Variants in AATK observed in about 807,000 individuals in gnomAD.
AATK encodes lemur tail kinase 1.
Under a neutral mutation model 114.3 loss-of-function variants are expected in AATK, and 91 were observed. The observed-to-expected ratio is 0.80, with a 90% CI of 0.67 to 0.95. AATK has a LOEUF of 0.95. Ranked by LOEUF, AATK falls within the 40% of genes least tolerant of loss-of-function variation. The pLI is 0.00. For missense variants in AATK, 2,176 were observed against 1,965.2 expected (o/e 1.11, Z -2.03); for synonymous variants, 1,075 against 916.5 (o/e 1.17, Z -3.12).
intron 1 of AATK, among the ~76,000 whole-genome samples, chr17:81,150,137 CG>C: frequency 6.6e-6 from 1 of 151,976 alleles, no homozygotes; most frequent in African/African-American, 2.4e-5. Flanking sequence ...CTGATGGGTG[CG>C]GGGCTTCCTT....
At chr17:81,146,474 G>A (rs570898340) in intron 1 of AATK, among the ~76,000 whole-genome samples, 20 of 151,728 alleles carry the variant, frequency 1.3e-4, no homozygotes, top group African/African-American at 4.8e-4. Context: ...CCAGCACTTT[G>A]GGAGGCCGAG....
Position 81,121,256 on chromosome 17 carries a change from G to A in AATK, c.2680C>T (p.Gln894Ter), listed in dbSNP as rs758271490. 2 of 1,609,626 alleles carry A rather than the reference G, an allele frequency of 1.2e-6. No homozygotes were observed. Among genetic ancestry groups the A allele is most frequent in the African/African-American group, 1.3e-5 (1 of 74,860 alleles). Reference protein sequence around the residue: ...PDVVPAFRSLQKQVGTPDSLD... With the variant: ...PDVVPAFRSL ...GAGTCGGGGGTCCCCACCTGCTTCTGCAGAGAGCGGAAGGCTGGCACCACA... is the reference window on the plus strand; with the variant it reads ...GAGTCGGGGGTCCCCACCTGCTTCTACAGAGAGCGGAAGGCTGGCACCACA... The change falls in exon 11 of 14, where the codon CAG (glutamine) becomes TAG (stop). Residue 894 changes from glutamine to a stop codon, truncating the protein, a stop_gained. Coordinates refer to ENST00000326724, the MANE Select transcript of AATK (RefSeq NM_001080395.3). LOFTEE classifies it high-confidence loss of function.
At chr17:81,132,116 T>G (rs370273792) in intron 2 of AATK, 2 of 994,052 alleles carry the variant, frequency 2.0e-6, no homozygotes, top group Non-Finnish European at 2.7e-6. Context: ...AGCCAAAGTC[T>G]CCAAAGTCCT....
At chr17:81,123,126 C>T (rs957628370) in intron 10 of AATK, 68 bp downstream of exon 10, 6 of 1,370,084 alleles carry the variant, frequency 4.4e-6, no homozygotes, top group African/African-American at 3.0e-5. Context: ...GGGTGAGCCG[C>T]CTCTGCCTGG....
At chr17:81,147,512 C>T (rs1450278188) in intron 1 of AATK, among the ~76,000 whole-genome samples, 1 of 152,144 alleles carries the variant, frequency 6.6e-6, no homozygotes, top group Non-Finnish European at 1.5e-5. Flanking sequence ...TCTGTAATCC[C>T]AGGATGCCAA....
In AATK at chr17:81,126,746, A is replaced by AGGGCT. The variant is rs1414266209; in HGVS notation, c.622-191_622-187dup. Reference sequence around the variant, plus strand: ...TTCCTGGAGGGGGGCCGTGTCCCCCAGGGCTGGGCTGGACTGAAGGCTTCC... The same window carrying AGGGCT: ...TTCCTGGAGGGGGGCCGTGTCCCCCAGGGCTGGGCTGGGCTGGACTGAAGGCTTCC... On this transcript the variant is annotated intron_variant, in intron 6 of 13. Coordinates refer to ENST00000326724, the MANE Select transcript of AATK (RefSeq NM_001080395.3). This position sits in a 1 kb window ranked among gnomAD's most constrained non-coding sequence, Gnocchi z 5.1. 375 of 1,414,244 alleles carry AGGGCT rather than the reference A, an allele frequency of 2.7e-4. 1 individual carries two copies. Among genetic ancestry groups the AGGGCT allele is most frequent in the Middle Eastern group, 6.9e-4 (3 of 4,350 alleles). 87.6% of individuals were successfully genotyped at this position (1,414,244 alleles called of 1,614,324 possible). A position where few individuals can be genotyped will look rare whatever the true frequency, so the allele number is the denominator to read the frequency against.
chr17:81,140,579 C>T (rs1234929132), intron 1 of AATK, among the ~76,000 whole-genome samples: 2 of 146,934 alleles, frequency 1.4e-5, no homozygotes, highest in African/African-American at 5.0e-5. Flanking sequence ...AGGGTCATCC[C>T]GAGGGTCTTT....
intron 1 of AATK, among the ~76,000 whole-genome samples, chr17:81,141,355 G>T (rs2061135483): frequency 6.6e-6 from 1 of 152,226 alleles, no homozygotes; most frequent in South Asian, 2.1e-4. Flanking sequence ...GGAGGCTGAG[G>T]CAGGAGAATT....
At position 81,119,385 on chromosome 17, in the gene AATK, T is replaced by C; in HGVS notation, c.4079A>G (p.Lys1360Arg). 1 of 1,541,552 alleles carries C rather than the reference T, an allele frequency of 6.5e-7. No homozygotes were observed. Among genetic ancestry groups the C allele is most frequent in the East Asian group, 2.5e-5 (1 of 39,580 alleles). ...THVSDSDAES[K>R]RGPEAGAGGE... is the part of the protein sequence containing the mutation. ...CAGCCCCGCCCAGGCCTCACCTCTC[T>C]TGGACTCGGCGTCCGAGTCAGACAC... Residue 1360 changes from lysine (K) to arginine (R), a missense_variant, in exon 13 of 14, where the codon AAG (lysine) becomes AGG (arginine). Lys to Arg is a conservative substitution (Grantham distance 26, BLOSUM62 2). Coordinates refer to ENST00000326724, the MANE Select transcript of AATK (RefSeq NM_001080395.3).
intron 7 of AATK, 180 bp from the exon 8 acceptor site, chr17:81,125,194 C>T (rs2060789235): frequency 6.1e-6 from 4 of 660,544 alleles, no homozygotes; most frequent in Non-Finnish European, 1.1e-5. Flanking sequence ...TGCCACCCCC[C>T]ATCCCTGCCC....
chr17:81,125,257 G>A (rs1598914766), intron 7 of AATK: 1 of 735,874 alleles, frequency 1.4e-6, no homozygotes, highest in East Asian at 2.5e-5. Context: ...TGTGTGCGTG[G>A]GCCTCAAATG....
Position 81,121,913 on chromosome 17 carries a change from G to C in AATK, c.2023C>G (p.Arg675Gly), listed in dbSNP as rs775634996. 6.2e-7 allele frequency: 1 copy of C among 1,600,690 alleles called. No individual in the cohort carries two copies. Among genetic ancestry groups the C allele is most frequent in the Admixed American group, 1.7e-5 (1 of 59,926 alleles). The change falls in exon 11 of 14, where the codon CGC becomes GGC. Residue 675 changes from arginine to glycine, a missense_variant. Arg to Gly is a moderately radical substitution (Grantham distance 125). Around this residue, in one of 4 missense-constraint regions of AATK, gnomAD observed 1,701 missense variants for 1,394.7 expected, o/e 1.22. Coordinates refer to ENST00000326724, the MANE Select transcript of AATK (RefSeq NM_001080395.3). ...EEVGARRAAQ[R>G]GHWRSNVSAN... ...GACACGTTGGAGCGCCAGTGCCCGCGCTGGGCGGCCCTCCGCGCTCCCACC... is the reference window on the plus strand; with the variant it reads ...GACACGTTGGAGCGCCAGTGCCCGCCCTGGGCGGCCCTCCGCGCTCCCACC...
chr17:81,119,374 C>A lies in AATK; in HGVS notation c.4084+6G>T. 1 of 1,572,758 alleles carries A rather than the reference C, an allele frequency of 6.4e-7. No homozygotes were observed. Among genetic ancestry groups the A allele is most frequent in the Non-Finnish European group, 8.6e-7 (1 of 1,165,746 alleles). On this transcript the variant is annotated splice_donor_region_variant and intron_variant, in intron 13 of 13. Transcript: ENST00000326724. ...CCCTTCTGCCACAGCCCCGCCCAGG[C>A]CTCACCTCTCTTGGACTCGGCGTCC...
In AATK at chr17:81,139,668, G is replaced by A. The variant is rs185820473; in HGVS notation, c.56-5167C>T. Among the ~76,000 whole-genome samples the A allele has an allele frequency of 5.3e-5, 8 of 152,204 alleles. No homozygotes were observed. The East Asian group carries it at 1.5e-3, about 29-fold the overall frequency. ...AGAGCCCAAGTAGCTGCACTGAAAG[G>A]TCACTTCAAAGCACACCCTCCAACC... On this transcript the variant is annotated intron_variant, in intron 1 of 13. Transcript: ENST00000326724.
chr17:81,126,324 C>G lies in AATK; in HGVS notation c.755+103G>C, dbSNP rs1304769174. Reference sequence around the variant, plus strand: ...TGATGCTGCATGAGATGAACCTGGCCGGTCCTCGCAAGCCCCCTGAGGCAG... The same window carrying G: ...TGATGCTGCATGAGATGAACCTGGCGGGTCCTCGCAAGCCCCCTGAGGCAG... On this transcript the variant is annotated intron_variant, in intron 7 of 13. Coordinates refer to ENST00000326724, the MANE Select transcript of AATK (RefSeq NM_001080395.3). This position sits in a 1 kb window ranked among gnomAD's most constrained non-coding sequence, Gnocchi z 5.1. The G allele has an allele frequency of 7.2e-7, 1 of 1,381,818 alleles. No homozygotes were observed. Among genetic ancestry groups the G allele is most frequent in the Non-Finnish European group, 9.7e-7 (1 of 1,036,098 alleles). The allele number at this position is 1,381,818 out of a possible 1,614,324, so 85.6% of individuals were successfully genotyped here.
At position 81,121,912 on chromosome 17, in the gene AATK, C is replaced by T. The variant is rs767788616; in HGVS notation, c.2024G>A (p.Arg675His). 52 of 1,600,526 alleles carry T rather than the reference C, an allele frequency of 3.2e-5. No homozygotes were observed. The highest frequency in any genetic ancestry group is 1.9e-4 in the South Asian group (17 of 90,948). Residue 675 changes from arginine to histidine, a missense_variant, in exon 11 of 14, where the codon CGC becomes CAC. This residue lies in a region of AATK where 1,701 missense variants were observed against 1,394.7 expected (regional missense o/e 1.22). Transcript: ENST00000326724. ...EEVGARRAAQ[R>H]GHWRSNVSAN... ...TGACACGTTGGAGCGCCAGTGCCCG[C>T]GCTGGGCGGCCCTCCGCGCTCCCAC... is the stretch of plus-strand genomic sequence containing the variant.
chr17:81,133,362 G>A (rs1198822339), intron 2 of AATK: 1 of 362,748 alleles, frequency 2.8e-6, no homozygotes, highest in Non-Finnish European at 5.5e-6. Context: ...CCAGGGGCAG[G>A]GAGGACTCTG....
rs1487291555 is a variant in AATK, at chr17:81,134,395, G to A, written c.162C>T (p.Cys54=). Residue 54 remains cysteine, a synonymous_variant, in exon 2 of 14, where the codon TGC becomes TGT. Transcript: ENST00000326724. ...TGAACCCGATACCGCCCTTCTTACA[G>A]CACAGGCAGGCCAGCATGAGGACGA... ...AVIVLMLACL[C]CKKGGIGFKE... is the part of the protein sequence containing the mutation. 1.2e-6 allele frequency: 2 copies of A among 1,613,194 alleles called. No homozygotes were observed. Among genetic ancestry groups the A allele is most frequent in the Admixed American group, 1.7e-5 (1 of 60,002 alleles).
rs1224331588 is a variant in AATK, at chr17:81,117,477, AG to A, written c.*924del. 6.1e-5 allele frequency: 9 copies of A among 147,754 alleles called. No individual in the cohort carries two copies. The highest frequency in any genetic ancestry group is 3.3e-4 in the Admixed American group (5 of 15,116). 9.2% of individuals were successfully genotyped at this position (147,754 alleles called of 1,614,324 possible). ...TCCATTCGCTCCAACCACAGCAGTT[AG>A]TTAGTTACAAAAATATTCCCTGTGC... On this transcript the variant is annotated 3_prime_UTR_variant, in exon 14 of 14. Transcript: ENST00000326724.
Sources: allele counts gnomAD v4.1 joint callset (sites outside exome capture counted in the v4.1 genomes callset), GRCh38; gene constraint gnomAD v4.1.1; regional missense constraint gnomAD v4.1.1; non-coding constraint Gnocchi (gnomAD v3.1); transcripts MANE v1.5; gene names NCBI Gene and HGNC (gene_info 2026-07-23, HGNC 2026-07-21).